Variants in WDR90 observed in about 807,000 individuals in gnomAD.
The protein encoded by WDR90 is WD repeat-containing protein 90.
WDR90 carries 238 observed loss-of-function variants against 195.2 expected under a neutral mutation model. The ratio of observed to expected loss-of-function variants is 1.22; its 90% CI spans 1.10 to 1.36. WDR90 has a LOEUF of 1.36. WDR90 is among the 40% of genes most tolerant of loss of function. The pLI is 0.00. For missense variants in WDR90, 2,734 were observed against 2,439.5 expected (o/e 1.12, Z -2.54); for synonymous variants, 1,265 against 1,052.4 (o/e 1.20, Z -3.91).
chr16:667,381 C>G (rs747860276), intron 40 of WDR90, 51 bp from the exon 41 acceptor site: 10 of 1,553,850 alleles, frequency 6.4e-6, no homozygotes, highest in Non-Finnish European at 8.7e-6. Context: ...GGGGAGCCCT[C>G]TGAGTGCTGC....
Position 651,030 on chromosome 16 carries a change from A to T in WDR90, c.595A>T (p.Thr199Ser). ...GGCCCAGTGGGCAAAGCTGCCCGTG[A>T]CTCCTATGCCTCGGGAAATGGCATT... ...SGAQWAKLPV[T>S]PMPREMAFPV... The change falls in exon 6 of 41, where the codon ACT becomes TCT. Residue 199 changes from threonine to serine, a missense_variant. Physicochemically the swap from Thr to Ser is moderately conservative, Grantham distance 58. Coordinates refer to ENST00000293879, the MANE Select transcript of WDR90 (RefSeq NM_145294.5). 1 of 1,613,072 alleles carries T rather than the reference A, an allele frequency of 6.2e-7. No individual in the cohort carries two copies. The highest frequency in any genetic ancestry group is 8.5e-7 in the Non-Finnish European group (1 of 1,179,928).
At chr16:660,763 G>C in intron 28 of WDR90, 49 bp downstream of exon 28, 1 of 1,519,316 alleles carries the variant, frequency 6.6e-7, no homozygotes, top group Non-Finnish European at 8.9e-7. Flanking sequence ...GCGGCCGCGC[G>C]TGGTCCAGCC....
rs1318652143 is a variant in WDR90, at chr16:666,892, T to C, written c.5005-13T>C. On this transcript the variant is annotated splice_polypyrimidine_tract_variant and intron_variant, in intron 39 of 40. Transcript: ENST00000293879. ...AGCCCACAGGCCTGGAGCCTCACGC[T>C]GGCTGCTCACAGGTGGTGGAGAAGA... 6.2e-7 allele frequency: 1 copy of C among 1,613,156 alleles called. No homozygotes were observed. The highest frequency in any genetic ancestry group is 1.1e-5 in the South Asian group (1 of 91,090).
chr16:658,314 G>T lies in WDR90; in HGVS notation c.2736G>T (p.Leu912=). 1 of 1,612,592 alleles carries T rather than the reference G, an allele frequency of 6.2e-7. No homozygotes were observed. The highest frequency in any genetic ancestry group is 8.5e-7 in the Non-Finnish European group (1 of 1,179,882). The change falls in exon 22 of 41, where the codon CTG becomes CTT. Residue 912 remains leucine, a synonymous_variant. Coordinates refer to ENST00000293879, the MANE Select transcript of WDR90 (RefSeq NM_145294.5). The part of the protein sequence containing the change: ...VSTSSNRVVV[L]DAVSGRIIRE... ...CCTCGTCCAACAGAGTCGTGGTGCT[G>T]GATGCTGTGTCGGGCCGCATCATCC...
At chr16:660,333 C>T (rs568347657) in intron 27 of WDR90, among the ~76,000 whole-genome samples, 172 bp downstream of exon 27, 22 of 152,336 alleles carry the variant, frequency 1.4e-4, no homozygotes, top group African/African-American at 4.6e-4. Context: ...CCCTGCCCTC[C>T]GCTGGCCTCC....
Position 662,309 on chromosome 16 carries a change from A to C in WDR90, c.4123A>C (p.Arg1375=). Residue 1375 remains arginine, a synonymous_variant, in exon 33 of 41, where the codon AGG becomes CGG. Coordinates refer to ENST00000293879, the MANE Select transcript of WDR90 (RefSeq NM_145294.5). The part of the protein sequence containing the change: ...LWAVGAVSEL[R]CKGSGASSVF... ...GGCCGTGGGGGCTGTGTCGGAGCTG[A>C]GGTGCAAGGGCTCAGGCGCCAGGTG... 1 of 1,572,474 alleles carries C rather than the reference A, an allele frequency of 6.4e-7. No individual in the cohort carries two copies. The highest frequency in any genetic ancestry group is 8.6e-7 in the Non-Finnish European group (1 of 1,160,090).
rs768239083 is a variant in WDR90, at chr16:651,665, A to G, written c.758A>G (p.Gln253Arg). 1 of 1,612,758 alleles carries G rather than the reference A, an allele frequency of 6.2e-7. No homozygotes were observed. Among genetic ancestry groups the G allele is most frequent in the Admixed American group, 1.7e-5 (1 of 60,020 alleles). The change falls in exon 8 of 41, where the codon CAG (glutamine) becomes CGG (arginine). Residue 253 changes from glutamine to arginine, a missense_variant. Physicochemically the swap from Gln to Arg is conservative, Grantham distance 43. Coordinates refer to ENST00000293879, the MANE Select transcript of WDR90 (RefSeq NM_145294.5). ...PEAVLLGPGP[Q>R]PLPCPVASSK... Reference sequence around the variant, plus strand: ...CTAGTCCTCCTGGGGCCGGGGCCACAGCCTCTCCCTTGCCCGGTGGCCTCC... The same window carrying G: ...CTAGTCCTCCTGGGGCCGGGGCCACGGCCTCTCCCTTGCCCGGTGGCCTCC...
At chr16:651,292 C>T (rs1397686351) in intron 7 of WDR90, 26 bp downstream of exon 7, 3 of 1,611,812 alleles carry the variant, frequency 1.9e-6, no homozygotes, top group Non-Finnish European at 2.5e-6. Flanking sequence ...CAGCGGGGAC[C>T]CAGGTTAAGG....
upstream of WDR90, chr16:649,248 C>T: frequency 2.7e-6 from 2 of 728,254 alleles, no homozygotes. Context: ...AGGCCGCTGA[C>T]GTGAGCGGGG....
rs1034095619 is a variant in WDR90 at position 658,243 on chromosome 16, G to A, written c.2665G>A (p.Ala889Thr). 3 of 1,612,556 alleles carry A rather than the reference G, an allele frequency of 1.9e-6. No homozygotes were observed. The highest frequency in any genetic ancestry group is 1.3e-5 in the African/African-American group (1 of 75,066). The change falls in exon 22 of 41, where the codon GCT becomes ACT. Residue 889 changes from alanine (A) to threonine (T), a missense_variant. Transcript: ENST00000293879. ...LASSRLDSAM[A>T]VCFGPAALGH... ...CAGCAGCCGCCTGGACTCAGCCATG[G>A]CTGTGTGCTTTGGCCCTGCAGCTCT...
In WDR90 at chr16:661,650, G is replaced by A. The variant is rs1463402382; in HGVS notation, c.3727G>A (p.Val1243Met). The A allele has an allele frequency of 9.9e-6, 16 of 1,609,634 alleles. No homozygotes were observed. Among genetic ancestry groups the A allele is most frequent in the Admixed American group, 3.4e-5 (2 of 59,678 alleles). Residue 1243 changes from valine (V) to methionine (M), a missense_variant, in exon 31 of 41, where the codon GTG becomes ATG. Transcript: ENST00000293879. ...ALWGTATYDL[V>M]SSTRLPEPVH... is the part of the protein sequence containing the mutation. Reference sequence around the variant, plus strand: ...GTGGGGCACGGCCACCTATGACCTCGTGTCCTCCACCCGCCTCCCGGAGCC... The same window carrying A: ...GTGGGGCACGGCCACCTATGACCTCATGTCCTCCACCCGCCTCCCGGAGCC...
rs773945214 is a variant in WDR90 at position 651,745 on chromosome 16, G to A, written c.838G>A (p.Ala280Thr). Residue 280 changes from alanine to threonine, a missense_variant and splice_region_variant, in exon 8 of 41, where the codon GCC becomes ACC. By Grantham distance (58) the Ala-to-Thr change is moderately conservative. Coordinates refer to ENST00000293879, the MANE Select transcript of WDR90 (RefSeq NM_145294.5). ...AGTGGTCCAGACGCCCAGCCCCACA[G>A]CCGTGAGTACCCCCTTCGCCCTATG... ...SPVVQTPSPTASGRAALAPRP... is the reference protein window; with the variant it reads ...SPVVQTPSPTTSGRAALAPRP... 85 of 1,612,982 alleles carry A rather than the reference G, an allele frequency of 5.3e-5. No homozygotes were observed. The highest frequency in any genetic ancestry group is 7.0e-5 in the Non-Finnish European group (83 of 1,180,004).
rs1359504214 is a variant in WDR90, at chr16:651,120, CT to C, written c.668+20del. ...CCACGTCCGGTGAGTGGTTCTGCTT[CT>C]TTCGAGGGAGGCCTCGGTGGTGGGA... is the stretch of plus-strand genomic sequence containing the variant. On this transcript the variant is annotated intron_variant, in intron 6 of 40. Transcript: ENST00000293879. The C allele has an allele frequency of 6.6e-7, 1 of 1,518,218 alleles. No homozygotes were observed. Among genetic ancestry groups the C allele is most frequent in the Non-Finnish European group, 9.1e-7 (1 of 1,101,004 alleles). The allele number at this position is 1,518,218 out of a possible 1,614,324, so 94.0% of individuals were successfully genotyped here.
Position 666,505 on chromosome 16 carries a change from G to A in WDR90, c.4791G>A (p.Gly1597=). The change falls in exon 38 of 41, where the codon GGG becomes GGA. Residue 1597 remains glycine (G), a synonymous_variant. Coordinates refer to ENST00000293879, the MANE Select transcript of WDR90 (RefSeq NM_145294.5). ...EGTDLWLAAS[G]DQRVSVWASD... ...CAGACCTATGGCTGGCTGCCAGTGG[G>A]GACCAGCGGGTCAGCGTCTGGGCCT... The A allele has an allele frequency of 1.2e-6, 2 of 1,612,772 alleles. No homozygotes were observed. Among genetic ancestry groups the A allele is most frequent in the South Asian group, 1.1e-5 (1 of 91,088 alleles).
At position 659,106 on chromosome 16, in the gene WDR90, C is replaced by T; in HGVS notation, c.3032C>T (p.Ala1011Val). 2 of 1,610,872 alleles carry T rather than the reference C, an allele frequency of 1.2e-6. No individual in the cohort carries two copies. The highest frequency in any genetic ancestry group is 1.7e-6 in the Non-Finnish European group (2 of 1,179,680). ...PTESDQSFPGAPPACKTGPGA... is the reference protein window; with the variant it reads ...PTESDQSFPGVPPACKTGPGA... ...TCCAGCGACCAAAGCTTCCCCGGGG[C>T]CCCCCCAGCCTGCAAGACAGGTGAG... The change falls in exon 25 of 41, where the codon GCC becomes GTC. Residue 1011 changes from alanine (A) to valine (V), a missense_variant. Transcript: ENST00000293879.
intron 5 of WDR90, 125 bp downstream of exon 5, chr16:650,834 G>A: frequency 6.7e-7 from 1 of 1,494,538 alleles, no homozygotes; most frequent in South Asian, 1.2e-5. Flanking sequence ...GCTCTGGCCA[G>A]AACCCATCCC....
chr16:651,080 GCATGACCGCTACATCCACGTC>G lies in WDR90; in HGVS notation c.647_667del (p.His216_Val222del), dbSNP rs1304232638. 6.2e-7 allele frequency: 1 copy of G among 1,613,356 alleles called. No homozygotes were observed. Among genetic ancestry groups the G allele is most frequent in the Non-Finnish European group, 8.5e-7 (1 of 1,179,864 alleles). ...TCCCTGTGCCCAAGGGAGAGAGCTG[GCATGACCGCTACATCCACGTC>G]CGGTGAGTGGTTCTGCTTCTTTCGA... is the stretch of plus-strand genomic sequence containing the variant. On this transcript the variant is annotated inframe_deletion and splice_region_variant, in exon 6 of 41. Transcript: ENST00000293879.
intron 34 of WDR90, chr16:663,140 CAAA>C (rs1412918243): frequency 3.9e-6 from 2 of 515,806 alleles, no homozygotes; most frequent in Admixed American, 4.9e-5. Flanking sequence ...TTGTAATTGT[CAAA>C]GAAATCACAT....
At position 653,768 on chromosome 16, in the gene WDR90, C is replaced by T. The variant is rs1182969826; in HGVS notation, c.1402C>T (p.Leu468Phe). 1.2e-6 allele frequency: 2 copies of T among 1,613,264 alleles called. No homozygotes were observed. The highest frequency in any genetic ancestry group is 2.2e-5 in the East Asian group (1 of 44,888). The change falls in exon 13 of 41, where the codon CTC becomes TTC. Residue 468 changes from leucine to phenylalanine, a missense_variant. Physicochemically the swap from Leu to Phe is conservative, Grantham distance 22. Transcript: ENST00000293879. The stretch of plus-strand genomic sequence containing the variant: ...CAGCTTCTCTGACAGCGGGGCCCTT[C>T]TCTGCGGGGTTGGCAAGGACCACCA... ...SLSFSDSGAL[L>F]CGVGKDHHGR...
Sources: allele counts gnomAD v4.1 joint callset (sites outside exome capture counted in the v4.1 genomes callset), GRCh38; gene constraint gnomAD v4.1.1; transcripts MANE v1.5; gene names NCBI Gene and HGNC (gene_info 2026-07-23, HGNC 2026-07-21).